PTPRC: variants seen among roughly 807,000 people sequenced by gnomAD.
PTPRC encodes receptor-type tyrosine-protein phosphatase C.
Under a neutral mutation model 155.9 loss-of-function variants are expected in PTPRC, and 44 were observed. The ratio of observed to expected loss-of-function variants is 0.28; its 90% CI spans 0.22 to 0.36. The LOEUF (loss-of-function observed/expected upper bound fraction) is 0.36, where lower values mean the gene tolerates loss of function less well. Among genes scored for constraint, PTPRC ranks in the 10% least tolerant of loss-of-function variants. The probability of loss-of-function intolerance (pLI) is 1.00; values close to 1 mark genes in which losing one functional copy is unlikely to be tolerated. For synonymous variants in PTPRC, 525 were observed against 533.1 expected, an observed-to-expected ratio of 0.98 and a Z score of 0.21; for missense variants, 1,401 against 1,564.6, an observed-to-expected ratio of 0.90 and a Z score of 1.76.
chr1:198,693,066 A>G (rs1265961769), intron 3 of PTPRC: 1 of 977,016 alleles, frequency 1.0e-6, no homozygotes, highest in African/African-American at 1.8e-5. Flanking sequence ...GACAGTATGC[A>G]TTAAGAAGGT....
At chr1:198,710,288 T>C (rs1653226708) in intron 11 of PTPRC, among the ~76,000 whole-genome samples, 1 of 152,228 alleles carries the variant, frequency 6.6e-6, no homozygotes, top group Non-Finnish European at 1.5e-5. Flanking sequence ...ACTTTCAGTT[T>C]TATTTTATTG....
intron 9 of PTPRC, among the ~76,000 whole-genome samples, chr1:198,707,315 T>C (rs1272740101): frequency 1.3e-5 from 2 of 152,196 alleles, no homozygotes; most frequent in Non-Finnish European, 2.9e-5. Flanking sequence ...TACAAATTTA[T>C]CTGAAATATA....
At chr1:198,729,250 T>C in intron 17 of PTPRC, 79 bp downstream of exon 17, 11 of 1,407,920 alleles carry the variant, frequency 7.8e-6, no homozygotes, top group Non-Finnish European at 1.0e-5. Flanking sequence ...TATTTATTTA[T>C]ATTTATTTTA....
intron 2 of PTPRC, among the ~76,000 whole-genome samples, chr1:198,678,378 A>G (rs115134478): frequency 0.018 from 2,741 of 152,314 alleles, 80 homozygotes; most frequent in African/African-American, 0.063. Context: ...ATAAGCAAAC[A>G]GCAGAATTAA....
intron 31 of PTPRC, 92 bp downstream of exon 31, chr1:198,752,864 AAC>A: frequency 7.2e-7 from 1 of 1,398,288 alleles, no homozygotes. Flanking sequence ...TCATATATGA[AAC>A]ACATAACCAC....
rs563382161 is a variant in PTPRC at position 198,668,283 on chromosome 1, T to C, written c.74-24064T>C. ...CTGGTTTCAAACTCCTGAGCTCCTG[T>C]GATTCTCCTGCCTCAGCCTCCTGAG... On this transcript the variant is annotated intron_variant, in intron 2 of 32. Coordinates refer to ENST00000442510, the MANE Select transcript of PTPRC (RefSeq NM_002838.5). Among the ~76,000 whole-genome samples, 6 of 152,242 alleles carry C rather than the reference T, an allele frequency of 3.9e-5. No homozygotes were observed. In the South Asian group the frequency reaches 1.2e-3, roughly 32 times the overall value.
intron 26 of PTPRC, among the ~76,000 whole-genome samples, chr1:198,746,234 C>T (rs780098432): frequency 1.3e-5 from 2 of 151,660 alleles, no homozygotes; most frequent in African/African-American, 4.8e-5. Context: ...CCAGTGAAGC[C>T]GGTGGATAGA....
At chr1:198,640,294 A>T (rs1219154901) in intron 2 of PTPRC, among the ~76,000 whole-genome samples, 1 of 152,010 alleles carries the variant, frequency 6.6e-6, no homozygotes, top group Non-Finnish European at 1.5e-5. Flanking sequence ...TTTTTGTAGA[A>T]ATTCCAAAAA....
intron 7 of PTPRC, 77 bp downstream of exon 7, chr1:198,703,449 A>T: frequency 6.2e-7 from 1 of 1,602,744 alleles, no homozygotes; most frequent in South Asian, 1.1e-5. Flanking sequence ...CCTTCCACCC[A>T]CTCTACCTCG....
chr1:198,730,901 T>G (rs1024669756), intron 17 of PTPRC, among the ~76,000 whole-genome samples: 1 of 152,146 alleles, frequency 6.6e-6, no homozygotes, highest in Non-Finnish European at 1.5e-5. Context: ...ATTAATATGA[T>G]TACTGAAAGA....
chr1:198,748,481 G>A (rs1655240462), intron 27 of PTPRC, among the ~76,000 whole-genome samples: 1 of 151,566 alleles, frequency 6.6e-6, no homozygotes, highest in Non-Finnish European at 1.5e-5. Context: ...ATAAAGCTGG[G>A]AGAAAAAAGA....
intron 13 of PTPRC, among the ~76,000 whole-genome samples, chr1:198,717,161 TC>T (rs1653633552): frequency 6.6e-6 from 1 of 152,250 alleles, no homozygotes; most frequent in Non-Finnish European, 1.5e-5. Context: ...GTCTTTACTA[TC>T]TGGAAATATT....
At chr1:198,652,758 A>G (rs1663325140) in intron 2 of PTPRC, among the ~76,000 whole-genome samples, 1 of 151,810 alleles carries the variant, frequency 6.6e-6, no homozygotes, top group South Asian at 2.1e-4. Flanking sequence ...GTTCTCACCC[A>G]TAGGAAGATG....
In PTPRC at chr1:198,735,271, T is replaced by C. The variant is rs1420218359; in HGVS notation, c.2403+19T>C. 6.3e-7 allele frequency: 1 copy of C among 1,580,138 alleles called. No homozygotes were observed. The highest frequency in any genetic ancestry group is 1.7e-5 in the Admixed American group (1 of 58,910). On this transcript the variant is annotated intron_variant, in intron 23 of 32. Coordinates refer to ENST00000442510, the MANE Select transcript of PTPRC (RefSeq NM_002838.5). The stretch of plus-strand genomic sequence containing the variant: ...TGTAAATGTGAGTTTGCTTTTTACA[T>C]AATTTTTGTTTTGATACTTTTTTAT...
At chr1:198,751,399 A>C (rs1188793023) in intron 29 of PTPRC, among the ~76,000 whole-genome samples, 1 of 152,012 alleles carries the variant, frequency 6.6e-6, no homozygotes, top group Non-Finnish European at 1.5e-5. Context: ...CATATGTTCA[A>C]GCCTATTCAG....
At chr1:198,679,396 A>ATTTTTTTTTT (rs34684883) in intron 2 of PTPRC, among the ~76,000 whole-genome samples, 1 of 109,990 alleles carries the variant, frequency 9.1e-6, no homozygotes. Context: ...ACGCCCAGCT[A>ATTTTTTTTTT]TTTTTTTTTT....
rs578253936 is a variant in PTPRC at position 198,723,491 on chromosome 1, C to G, written c.1720+1015C>G. On this transcript the variant is annotated intron_variant, in intron 15 of 32. Transcript: ENST00000442510. ...GCTCAGATTTATGAAATAAAAACTCCCTGTGTTAAATGTCAAAAAAGTCCA... is the reference window on the plus strand; with the variant it reads ...GCTCAGATTTATGAAATAAAAACTCGCTGTGTTAAATGTCAAAAAAGTCCA... Among the ~76,000 whole-genome samples the G allele has an allele frequency of 1.6e-3, 247 of 152,202 alleles. 1 individual carries two copies. The highest frequency in any genetic ancestry group is 5.1e-3 in the African/African-American group (213 of 41,538).
chr1:198,703,251 A>G (rs1477550559), intron 6 of PTPRC, 47 bp from the exon 7 acceptor site: 2 of 1,609,972 alleles, frequency 1.2e-6, no homozygotes, highest in South Asian at 2.2e-5. Context: ...TCACCTTTTA[A>G]TATAACGAAT....
At chr1:198,684,182 T>C (rs923083632) in intron 2 of PTPRC, among the ~76,000 whole-genome samples, 1 of 151,290 alleles carries the variant, frequency 6.6e-6, no homozygotes, top group Non-Finnish European at 1.5e-5. Flanking sequence ...TGTTCTTAAA[T>C]GGTTATCTAG....
Sources: allele counts gnomAD v4.1 joint callset (sites outside exome capture counted in the v4.1 genomes callset), GRCh38; gene constraint gnomAD v4.1.1; transcripts MANE v1.5; gene names NCBI Gene and HGNC (gene_info 2026-07-23, HGNC 2026-07-21).